Variants in PHF11 observed in about 807,000 individuals in gnomAD.
PHF11 encodes the protein PHD finger protein 11.
In PHF11, 38 loss-of-function variants were observed where a neutral mutation model predicts 40.5. The observed-to-expected ratio is 0.94, with a 90% CI of 0.72 to 1.23. PHF11 has a LOEUF of 1.23. Among genes scored for constraint, PHF11 ranks in the 50% most tolerant of loss-of-function variants. The pLI is 0.00. For missense variants in PHF11, 369 were observed against 392.4 expected (o/e 0.94, Z 0.50); for synonymous variants, 127 against 138.2 (o/e 0.92, Z 0.57).
chr13:49,513,314 C>A, intron 3 of PHF11, 148 bp downstream of exon 3: 18 of 457,772 alleles, frequency 3.9e-5, no homozygotes, highest in East Asian at 4.1e-5. Context: ...AACCTCAATT[C>A]AACTTAACAT....
At chr13:49,517,055 T>C (rs753924165) in intron 3 of PHF11, among the ~76,000 whole-genome samples, 5 of 152,218 alleles carry the variant, frequency 3.3e-5, no homozygotes, top group Non-Finnish European at 5.9e-5. Flanking sequence ...TATTCAGGAG[T>C]ATATTGTGAG....
intron 1 of PHF11, among the ~76,000 whole-genome samples, chr13:49,504,921 C>T (rs1172289285): frequency 6.7e-6 from 1 of 148,584 alleles, no homozygotes; most frequent in Non-Finnish European, 1.5e-5. Flanking sequence ...TTACCCCCAA[C>T]CCTGTGCTCT....
Position 49,528,597 on chromosome 13 carries a change from T to G in PHF11, c.928T>G (p.Leu310Val). Residue 310 changes from leucine (L) to valine (V), a missense_variant, in exon 10 of 10, where the codon TTG (leucine) becomes GTG (valine). Physicochemically the swap from Leu to Val is conservative, Grantham distance 32. Transcript: ENST00000378319. ...IELLQDLKQT[L>V]CSFQENRDLM... is the part of the protein sequence containing the mutation. ...GCTACTTCAGGACTTAAAACAAACC[T>G]TGTGCTCTTTTCAAGAAAATAGAGA... The G allele has an allele frequency of 6.2e-7, 1 of 1,611,346 alleles. No homozygotes were observed.
chr13:49,504,248 A>C (rs1346459936), intron 1 of PHF11, among the ~76,000 whole-genome samples: 1 of 151,822 alleles, frequency 6.6e-6, no homozygotes, highest in Non-Finnish European at 1.5e-5. Flanking sequence ...GGAGTTTGAG[A>C]CCAGCCTGGG....
chr13:49,504,923 C>T (rs1594203650), intron 1 of PHF11, among the ~76,000 whole-genome samples: 2 of 149,314 alleles, frequency 1.3e-5, no homozygotes, highest in Admixed American at 1.3e-4. Flanking sequence ...ACCCCCAACC[C>T]TGTGCTCTCT....
intron 1 of PHF11, among the ~76,000 whole-genome samples, chr13:49,500,824 A>G (rs1166452095): frequency 5.3e-5 from 8 of 152,136 alleles, no homozygotes; most frequent in Admixed American, 5.2e-4. Context: ...CCAGATGCCA[A>G]GACTCTTGGA....
chr13:49,525,282 C>T (rs1214485090), intron 8 of PHF11, among the ~76,000 whole-genome samples: 1 of 152,190 alleles, frequency 6.6e-6, no homozygotes, highest in African/African-American at 2.4e-5. Flanking sequence ...GAGTCTCGCT[C>T]TCTCTCCCAG....
chr13:49,504,741 A>G (rs1160546892), intron 1 of PHF11, among the ~76,000 whole-genome samples: 1 of 151,990 alleles, frequency 6.6e-6, no homozygotes, highest in Non-Finnish European at 1.5e-5. Context: ...AGAACGGGCC[A>G]GGATGACAAT....
At chr13:49,525,815 G>A (rs979612385) in intron 8 of PHF11, 1 of 456,172 alleles carries the variant, frequency 2.2e-6, no homozygotes, top group Non-Finnish European at 4.4e-6. Context: ...CCACCTGTAG[G>A]GCTGGTGAGG....
intron 6 of PHF11, 125 bp downstream of exon 6, chr13:49,522,232 T>G: frequency 1.9e-6 from 1 of 537,672 alleles, no homozygotes; most frequent in Middle Eastern, 3.1e-4. Flanking sequence ...AAGAACATTC[T>G]TCATTTGTGT....
At chr13:49,506,226 C>T (rs1450939216) in intron 1 of PHF11, among the ~76,000 whole-genome samples, 3 of 149,080 alleles carry the variant, frequency 2.0e-5, no homozygotes, top group Admixed American at 6.7e-5. Context: ...AGCAAGACCC[C>T]GGTCTCTAAA....
chr13:49,513,961 C>T (rs1481245968), intron 3 of PHF11, among the ~76,000 whole-genome samples: 1 of 152,174 alleles, frequency 6.6e-6, no homozygotes, highest in African/African-American at 2.4e-5. Context: ...GTCATCCATA[C>T]ACATGGAATA....
chr13:49,520,335 C>T (rs1349060889), intron 4 of PHF11, among the ~76,000 whole-genome samples: 2 of 152,226 alleles, frequency 1.3e-5, no homozygotes, highest in African/African-American at 2.4e-5. Context: ...GCATGAGCCA[C>T]CGTGCCCGGC....
At chr13:49,523,552 G>C in intron 7 of PHF11, 1 of 365,190 alleles carries the variant, frequency 2.7e-6, no homozygotes, top group Non-Finnish European at 4.9e-6. Context: ...CCCTGTAACT[G>C]TAGTTCTCTG....
Position 49,528,537 on chromosome 13 carries a change from C to T in PHF11, c.868C>T (p.Gln290Ter), listed in dbSNP as rs1959407068. 1 of 1,608,744 alleles carries T rather than the reference C, an allele frequency of 6.2e-7. No individual in the cohort carries two copies. The highest frequency in any genetic ancestry group is 1.3e-5 in the African/African-American group (1 of 74,690). Residue 290 changes from glutamine (Q) to a stop codon, truncating the protein, a stop_gained, in exon 10 of 10, where the codon CAA (glutamine) becomes TAA (stop). Transcript: ENST00000378319. LOFTEE classifies it low-confidence loss of function (END_TRUNC). ...AAIEKKIHAS[Q>*]QRWQQLKEEI... ...AATAGAGAAAAAAATTCATGCATCTCAACAAAGGTGGCAGCAGTTGAAGGA... is the reference window on the plus strand; with the variant it reads ...AATAGAGAAAAAAATTCATGCATCTTAACAAAGGTGGCAGCAGTTGAAGGA...
chr13:49,521,685 GTC>G (rs1281182053), intron 5 of PHF11, among the ~76,000 whole-genome samples: 1 of 152,052 alleles, frequency 6.6e-6, no homozygotes, highest in Non-Finnish European at 1.5e-5. Context: ...ATCCTTATTA[GTC>G]TGTTTTACTT....
At chr13:49,524,262 A>G in intron 8 of PHF11, 46 bp downstream of exon 8, 1 of 1,427,830 alleles carries the variant, frequency 7.0e-7, no homozygotes, top group Non-Finnish European at 9.5e-7. Flanking sequence ...CTTCTCCCAG[A>G]TCTAGATTTA....
At chr13:49,500,629 T>C (rs984423653) in intron 1 of PHF11, among the ~76,000 whole-genome samples, 1 of 152,146 alleles carries the variant, frequency 6.6e-6, no homozygotes, top group Non-Finnish European at 1.5e-5. Context: ...CACTGTGATA[T>C]GGGGGGATTT....
chr13:49,528,407 G>A, intron 9 of PHF11, 104 bp from the exon 10 acceptor site: 1 of 778,688 alleles, frequency 1.3e-6, no homozygotes, highest in Admixed American at 3.0e-5. Flanking sequence ...AGAGGCACGA[G>A]GATTGTGTAT....
Sources: allele counts gnomAD v4.1 joint callset (sites outside exome capture counted in the v4.1 genomes callset), GRCh38; gene constraint gnomAD v4.1.1; transcripts MANE v1.5; gene names NCBI Gene and HGNC (gene_info 2026-07-23, HGNC 2026-07-21).